RALYL: variants seen among roughly 807,000 people sequenced by gnomAD.
RALYL encodes the protein RALY RNA binding protein like, also known as RNA-binding Raly-like protein.
In RALYL, 29 loss-of-function variants were observed where a neutral mutation model predicts 35.1. That is an observed-to-expected ratio of 0.83 (90% CI 0.61 to 1.13). RALYL has a LOEUF of 1.13. RALYL is among the 50% of genes most tolerant of loss of function. The pLI is 0.00. For synonymous variants in RALYL, 120 were observed against 127.6 expected (o/e 0.94, Z 0.40); for missense variants, 359 against 360.4 (o/e 1.00, Z 0.03).
intron 1 of RALYL, among the ~76,000 whole-genome samples, chr8:84,387,141 G>A (rs764328201): frequency 5.3e-5 from 8 of 151,814 alleles, no homozygotes; most frequent in African/African-American, 1.2e-4. Context: ...TGTAAGTAAC[G>A]TAACTAGCAG....
chr8:84,709,615 A>T (rs13251817), intron 2 of RALYL, among the ~76,000 whole-genome samples: 58,596 of 140,806 alleles, frequency 0.42, 13,008 homozygotes, highest in South Asian at 0.58. Context: ...TCTTTTTTTT[A>T]AAAAAAAAAC....
intron 1 of RALYL, among the ~76,000 whole-genome samples, chr8:84,197,643 T>C (rs759188031): frequency 3.3e-5 from 5 of 152,056 alleles, no homozygotes; most frequent in East Asian, 1.9e-4. Context: ...GAAACTTATT[T>C]TGGGGCCGGG....
intron 1 of RALYL, among the ~76,000 whole-genome samples, chr8:84,420,046 T>C (rs1166850125): frequency 6.6e-6 from 1 of 151,486 alleles, no homozygotes; most frequent in Non-Finnish European, 1.5e-5. Context: ...TTTATAGTCC[T>C]TTGGGTATAT....
At chr8:84,680,258 A>G (rs1184701205) in intron 2 of RALYL, among the ~76,000 whole-genome samples, 1 of 152,182 alleles carries the variant, frequency 6.6e-6, no homozygotes, top group Admixed American at 6.5e-5. Flanking sequence ...ATTGTTGGAC[A>G]TTTGGCTTGG....
intron 2 of RALYL, among the ~76,000 whole-genome samples, chr8:84,618,547 C>T (rs1227487857): frequency 3.1e-5 from 4 of 130,668 alleles, no homozygotes; most frequent in African/African-American, 9.1e-5. Flanking sequence ...AAAACCAGCT[C>T]CTGGATTCAT....
intron 2 of RALYL, among the ~76,000 whole-genome samples, chr8:84,611,269 T>A (rs1289121682): frequency 6.6e-6 from 1 of 152,162 alleles, no homozygotes; most frequent in Non-Finnish European, 1.5e-5. Flanking sequence ...CTAAAAATTA[T>A]GATGTACATC....
chr8:84,435,913 G>A (rs994631492), intron 1 of RALYL, among the ~76,000 whole-genome samples: 2 of 152,234 alleles, frequency 1.3e-5, no homozygotes, highest in South Asian at 2.1e-4. Flanking sequence ...TAGAAAGGAT[G>A]CTTTCTTCTC....
At chr8:84,556,445 G>A (rs1405836930) in intron 2 of RALYL, among the ~76,000 whole-genome samples, 3 of 152,150 alleles carry the variant, frequency 2.0e-5, no homozygotes, top group South Asian at 4.1e-4. Flanking sequence ...GTCTTATTAA[G>A]GCTATTTGAC....
At chr8:84,665,179 G>A (rs188902741) in intron 2 of RALYL, among the ~76,000 whole-genome samples, 15 of 152,006 alleles carry the variant, frequency 9.9e-5, no homozygotes, top group African/African-American at 2.6e-4. Context: ...CTTTGATTGC[G>A]GTGGTTAAGC....
intron 1 of RALYL, among the ~76,000 whole-genome samples, chr8:84,217,266 AACT>A (rs1378543082): frequency 6.6e-6 from 1 of 152,136 alleles, no homozygotes. Context: ...AGTTTCTAGA[AACT>A]ACTAAGCCAT....
chr8:84,665,762 A>T (rs1831886576), intron 2 of RALYL: 1 of 151,710 alleles, frequency 6.6e-6, no homozygotes, highest in Non-Finnish European at 1.5e-5. Context: ...CTCCTGGAGA[A>T]ATACGGAACA....
At chr8:84,867,100 G>A (rs892811536) in intron 6 of RALYL, among the ~76,000 whole-genome samples, 1 of 152,158 alleles carries the variant, frequency 6.6e-6, no homozygotes, top group Admixed American at 6.5e-5. Flanking sequence ...GTAAGGATCT[G>A]TGTCAGTCCT....
Position 84,215,371 on chromosome 8 carries a change from T to C in RALYL, c.-24+30947T>C, listed in dbSNP as rs548849828. ...CATCAGCACTAAAATGTGTTCTTTC[T>C]GTTTATAAAGAAAATATTTTATACC... On this transcript the variant is annotated intron_variant, in intron 1 of 8. Transcript: ENST00000521268. 3.3e-5 allele frequency among the ~76,000 whole-genome samples: 5 copies of C among 152,250 alleles called. No individual in the cohort carries two copies. The South Asian group carries it at 1.0e-3, about 32-fold the overall frequency.
chr8:84,345,972 C>T (rs989469999), intron 1 of RALYL: 4 of 587,086 alleles, frequency 6.8e-6, no homozygotes, highest in African/African-American at 6.0e-5. Context: ...TCACTCAACC[C>T]TCCAATCCTC....
intron 1 of RALYL, among the ~76,000 whole-genome samples, chr8:84,218,437 C>G (rs2131271842): frequency 6.6e-6 from 1 of 152,076 alleles, no homozygotes; most frequent in Admixed American, 6.6e-5. Context: ...TGTGACATGC[C>G]TTCAATTGCA....
At chr8:84,425,260 T>A (rs1337655025) in intron 1 of RALYL, among the ~76,000 whole-genome samples, 1 of 151,996 alleles carries the variant, frequency 6.6e-6, no homozygotes, top group Admixed American at 6.6e-5. Flanking sequence ...TGGTGCGCCG[T>A]TTTTTAAGCC....
intron 1 of RALYL, among the ~76,000 whole-genome samples, chr8:84,461,848 C>T (rs1041860837): frequency 4.0e-5 from 6 of 151,584 alleles, no homozygotes; most frequent in African/African-American, 1.5e-4. Flanking sequence ...CTATCATTAA[C>T]ATCTTGCATT....
chr8:84,571,012 G>T (rs758966376), intron 2 of RALYL, among the ~76,000 whole-genome samples: 3 of 151,704 alleles, frequency 2.0e-5, no homozygotes, highest in African/African-American at 7.3e-5. Context: ...TTGCATCTAG[G>T]TTCATCAGGG....
chr8:84,683,069 A>G (rs1046931120), intron 2 of RALYL, among the ~76,000 whole-genome samples: 1 of 152,168 alleles, frequency 6.6e-6, no homozygotes, highest in African/African-American at 2.4e-5. Flanking sequence ...TTCAAACACC[A>G]TCTTTATCTC....
Sources: gnomAD v4.1 joint callset for allele counts (sites outside exome capture counted in the v4.1 genomes callset) on GRCh38, gnomAD v4.1.1 for gene constraint, MANE v1.5 for transcripts, NCBI Gene and HGNC (gene_info 2026-07-23, HGNC 2026-07-21) for gene names.